CIC: variants seen among roughly 807,000 people sequenced by gnomAD.
The protein encoded by CIC is capicua transcriptional repressor.
Under a neutral mutation model 115.7 loss-of-function variants are expected in CIC, and 18 were observed. The ratio of observed to expected loss-of-function variants is 0.16; its 90% CI spans 0.11 to 0.23. The LOEUF is 0.23. Among genes scored for constraint, CIC ranks in the 10% least tolerant of loss-of-function variants. The probability of loss-of-function intolerance (pLI) is 1.00; values close to 1 mark genes in which losing one functional copy is unlikely to be tolerated. For missense variants in CIC, 2,000 were observed against 2,159.3 expected, an observed-to-expected ratio of 0.93 and a Z score of 1.46; for synonymous variants, 1,076 against 923.0, an observed-to-expected ratio of 1.17 and a Z score of -3.01.
intron 7 of CIC, among the ~76,000 whole-genome samples, 177 bp downstream of exon 7, chr19:42,288,152 C>G (rs1159496286): frequency 6.6e-6 from 1 of 152,214 alleles, no homozygotes; most frequent in African/African-American, 2.4e-5. Flanking sequence ...CCAGGGAGAT[C>G]CACACAGATA....
Position 42,290,836 on chromosome 19 carries a change from C to T in CIC, c.4795C>T (p.Pro1599Ser). 6.2e-7 allele frequency: 1 copy of T among 1,609,908 alleles called. No homozygotes were observed. The highest frequency in any genetic ancestry group is 8.5e-7 in the Non-Finnish European group (1 of 1,178,428). ...SSTPVPIASKPFPTSGRAEAS... is the reference protein window; with the variant it reads ...SSTPVPIASKSFPTSGRAEAS... ...CACTCCTGTGCCCATCGCCTCTAAG[C>T]CCTTCCCCACCTCTGGCCGGGCTGA... The change falls in exon 11 of 21, where the codon CCC (proline) becomes TCC (serine). Residue 1599 changes from proline (P) to serine (S), a missense_variant. Pro to Ser is a moderately conservative substitution (Grantham distance 74). Transcript: ENST00000681038.
In CIC at chr19:42,293,100, G is replaced by C. The variant is rs762633949; in HGVS notation, c.6341G>C (p.Arg2114Pro). The C allele has an allele frequency of 6.2e-7, 1 of 1,609,466 alleles. No individual in the cohort carries two copies. Among genetic ancestry groups the C allele is most frequent in the Non-Finnish European group, 8.5e-7 (1 of 1,178,636 alleles). The change falls in exon 16 of 21, where the codon CGG becomes CCG. Residue 2114 changes from arginine (R) to proline (P), a missense_variant. By Grantham distance (103) the Arg-to-Pro change is moderately radical. Around this residue, in one of 8 missense-constraint regions of CIC, gnomAD observed 1,466 missense variants for 1,390.4 expected, o/e 1.05. Transcript: ENST00000681038. ...TCTGGGCGGCCTGGCCCTGCACCCC[G>C]GCAGCCTCTGGAGCCTGGCCCAGTC... ...GASGRPGPAP[R>P]QPLEPGPVRE...
In CIC at chr19:42,272,590, T is replaced by A. The variant is rs2147012132; in HGVS notation, c.807T>A (p.Ala269=). 1 of 398,488 alleles carries A rather than the reference T, an allele frequency of 2.5e-6. No individual in the cohort carries two copies. The highest frequency in any genetic ancestry group is 4.4e-6 in the Non-Finnish European group (1 of 225,968). 24.7% of individuals were successfully genotyped at this position (398,488 alleles called of 1,614,324 possible). ...PPPGALVVGT[A]VCTCVEPGVA... ...CAGGTGCCCTGGTGGTGGGCACAGC[T>A]GTCTGTACCTGTGTGGAGCCCGGCG... The change falls in exon 2 of 21, where the codon GCT becomes GCA. Residue 269 remains alanine, a synonymous_variant. Transcript: ENST00000681038.
intron 2 of CIC, chr19:42,284,300 GCCGCCC>G (rs2037434403): frequency 6.9e-6 from 1 of 145,858 alleles, no homozygotes; most frequent in South Asian, 2.1e-4. Context: ...AAGGGAGGGG[GCCGCCC>G]CCGCGCACGC....
chr19:42,288,242 T>C (rs1274968121), intron 7 of CIC, among the ~76,000 whole-genome samples: 2 of 152,222 alleles, frequency 1.3e-5, no homozygotes, highest in Non-Finnish European at 2.9e-5. Flanking sequence ...ACAGGGAATA[T>C]AAGCTGTAGT....
chr19:42,282,631 G>A (rs1253770446), intron 2 of CIC, among the ~76,000 whole-genome samples: 5 of 152,190 alleles, frequency 3.3e-5, no homozygotes, highest in African/African-American at 1.2e-4. Context: ...TCCACCCTGA[G>A]GTTAAGCCTT....
rs1394455193 is a variant in CIC at position 42,294,596 on chromosome 19, C to G, written c.7055-8C>G. The G allele has an allele frequency of 1.9e-6, 3 of 1,613,210 alleles. No homozygotes were observed. The highest frequency in any genetic ancestry group is 2.5e-6 in the Non-Finnish European group (3 of 1,179,944). ...GCAGCCTTGCCATGCTGCCTGTGCC[C>G]TGCACAGGTACAGAAGCCGAGGACG... On this transcript the variant is annotated splice_region_variant and splice_polypyrimidine_tract_variant and intron_variant, in intron 19 of 20. Transcript: ENST00000681038.
Position 42,273,808 on chromosome 19 carries a change from A to G in CIC, c.2025A>G (p.Pro675=). ...ASTPKAGVLT[P]PDLGPHPPPP... ...CCCCTAAGGCAGGCGTGCTGACGCCACCAGACCTGGGCCCCCACCCACCGC... is the reference window on the plus strand; with the variant it reads ...CCCCTAAGGCAGGCGTGCTGACGCCGCCAGACCTGGGCCCCCACCCACCGC... The change falls in exon 2 of 21, where the codon CCA becomes CCG. Residue 675 remains proline (P), a synonymous_variant. Transcript: ENST00000681038. 2 of 398,584 alleles carry G rather than the reference A, an allele frequency of 5.0e-6. No homozygotes were observed. The allele number at this position is 398,584 out of a possible 1,614,324, so 24.7% of individuals were successfully genotyped here.
chr19:42,284,015 G>GGGCGGGGGGAGGCGC (rs940594381), intron 2 of CIC: 6 of 149,270 alleles, frequency 4.0e-5, no homozygotes, highest in South Asian at 2.1e-4. Flanking sequence ...AGCGGGGAAG[G>GGGCGGGGGGAGGCGC]GGCGGGGGGA....
chr19:42,280,764 G>C lies in CIC; in HGVS notation c.2795-6007G>C, dbSNP rs993462262. 2.0e-5 allele frequency among the ~76,000 whole-genome samples: 3 copies of C among 152,070 alleles called. No homozygotes were observed. The highest frequency in any genetic ancestry group is 2.0e-4 in the Admixed American group (3 of 15,286). On this transcript the variant is annotated intron_variant, in intron 2 of 20. Coordinates refer to ENST00000681038, the MANE Select transcript of CIC (RefSeq NM_001386298.1). This position sits in a 1 kb window ranked among gnomAD's most constrained non-coding sequence, Gnocchi z 4.9. ...CGAGTGGAAAATCTCGTGAGCGCGG[G>C]GAGGGGAGGGGAACGCAGGGCGGCG...
upstream of CIC, chr19:42,269,181 C>G (rs1568482265): frequency 1.3e-5 from 2 of 152,108 alleles, no homozygotes; most frequent in East Asian, 1.9e-4. Flanking sequence ...ATCTATTGGT[C>G]TAGGCTGGCG....
In CIC at chr19:42,287,428, G is replaced by A. The variant is rs773785693; in HGVS notation, c.3288G>A (p.Lys1096=). The A allele has an allele frequency of 6.2e-7, 1 of 1,613,826 alleles. No homozygotes were observed. Among genetic ancestry groups the A allele is most frequent in the Non-Finnish European group, 8.5e-7 (1 of 1,180,028 alleles). ...LPKERDSSSE[K]DGRSPNKREK... ...AGGAACGGGACTCATCTTCTGAGAAGGATGGACGCAGCCCCAACAAGGTAC... is the reference window on the plus strand; with the variant it reads ...AGGAACGGGACTCATCTTCTGAGAAAGATGGACGCAGCCCCAACAAGGTAC... Residue 1096 remains lysine (K), a synonymous_variant, in exon 5 of 21, where the codon AAG becomes AAA. Transcript: ENST00000681038. The surrounding 1 kb of genome is among the most constrained non-coding windows in gnomAD (Gnocchi z 8.7).
Position 42,271,875 on chromosome 19 carries a change from G to T in CIC, c.92G>T (p.Arg31Leu), listed in dbSNP as rs1047691694. 21 of 398,754 alleles carry T rather than the reference G, an allele frequency of 5.3e-5. No individual in the cohort carries two copies. Among genetic ancestry groups the T allele is most frequent in the Admixed American group, 3.1e-4 (7 of 22,724 alleles). 24.7% of individuals were successfully genotyped at this position (398,754 alleles called of 1,614,324 possible). ...PPATRAKALR[R>L]RGAGEGDKPE... ...GCCACCAGGGCCAAGGCTCTGAGGC[G>T]GCGAGGGGCTGGGGAGGGTGACAAG... The change falls in exon 2 of 21, where the codon CGG becomes CTG. Residue 31 changes from arginine (R) to leucine (L), a missense_variant. This residue lies in a region of CIC where 222 missense variants were observed against 247.7 expected (regional missense o/e 0.90). Transcript: ENST00000681038.
rs769064655 is a variant in CIC at position 42,290,732 on chromosome 19, T to C, written c.4691T>C (p.Leu1564Pro). The change falls in exon 11 of 21, where the codon CTG becomes CCG. Residue 1564 changes from leucine (L) to proline (P), a missense_variant. Around this residue, in one of 8 missense-constraint regions of CIC, gnomAD observed 1,466 missense variants for 1,390.4 expected, o/e 1.05. Coordinates refer to ENST00000681038, the MANE Select transcript of CIC (RefSeq NM_001386298.1). ...GTGCCCTCCGCCCCCGCCCCATCAC[T>C]GGCCTATGGGGCCCCAGCAGCTCCC... ...ARVPSAPAPS[L>P]AYGAPAAPLS... 2 of 1,612,600 alleles carry C rather than the reference T, an allele frequency of 1.2e-6. No individual in the cohort carries two copies. Among genetic ancestry groups the C allele is most frequent in the East Asian group, 4.5e-5 (2 of 44,860 alleles).
intron 1 of CIC, 75 bp from the exon 2 acceptor site, chr19:42,271,699 G>A: frequency 2.5e-6 from 1 of 398,102 alleles, no homozygotes. Context: ...CAGCAAGTGG[G>A]AAATCTTAGG....
intron 2 of CIC, 22 bp from the exon 3 acceptor site, chr19:42,286,749 C>T (rs1178196709): frequency 1.2e-6 from 2 of 1,613,794 alleles, no homozygotes. Context: ...TGCTGCACAG[C>T]TCACCTGGCT....
At chr19:42,291,889 ACT>A in intron 12 of CIC, 144 bp downstream of exon 12, 5 of 1,292,390 alleles carry the variant, frequency 3.9e-6, no homozygotes, top group East Asian at 2.3e-5. Context: ...GTGCATCCTG[ACT>A]CTCTCAAGTC....
rs1305768594 is a variant in CIC, at chr19:42,287,077, C to T, written c.3016C>T (p.Pro1006Ser). The T allele has an allele frequency of 6.2e-7, 1 of 1,612,754 alleles. No individual in the cohort carries two copies. Among genetic ancestry groups the T allele is most frequent in the Non-Finnish European group, 8.5e-7 (1 of 1,179,964 alleles). ...GGTGSADPERPPGATCPESPG... is the reference protein window; with the variant it reads ...GGTGSADPERSPGATCPESPG... ...GACAGGGAGTGCTGACCCTGAGCGG[C>T]CCCCTGGAGCCACATGCCCTGAGAG... The change falls in exon 4 of 21, where the codon CCC becomes TCC. Residue 1006 changes from proline to serine, a missense_variant. Physicochemically the swap from Pro to Ser is moderately conservative, Grantham distance 74. Transcript: ENST00000681038. The surrounding 1 kb of genome is among the most constrained non-coding windows in gnomAD (Gnocchi z 8.7).
In CIC at chr19:42,295,143, G is replaced by GGCCCCCCCC; in HGVS notation, c.7506_7507insGCCCCCCCC (p.Gln2502_Pro2503insAlaProPro). On this transcript the variant is annotated inframe_insertion, in exon 21 of 21. Coordinates refer to ENST00000681038, the MANE Select transcript of CIC (RefSeq NM_001386298.1). ...AGCCTGGCTGGGAGGGGGCTCCCCAGCCCTCCCCCCCACCCCCAGGTCCCT... is the reference window on the plus strand; with the variant it reads ...AGCCTGGCTGGGAGGGGGCTCCCCAGGCCCCCCCCCCCTCCCCCCCACCCCCAGGTCCCT... The GGCCCCCCCC allele has an allele frequency of 1.4e-6, 2 of 1,382,730 alleles. No homozygotes were observed. The highest frequency in any genetic ancestry group is 1.5e-5 in the African/African-American group (1 of 68,110). 85.7% of individuals were successfully genotyped at this position (1,382,730 alleles called of 1,614,324 possible).
Sources: gnomAD v4.1 joint callset for allele counts (sites outside exome capture counted in the v4.1 genomes callset) on GRCh38, gnomAD v4.1.1 for gene constraint, gnomAD v4.1.1 regional missense constraint, Gnocchi (gnomAD v3.1) non-coding constraint, MANE v1.5 for transcripts, NCBI Gene and HGNC (gene_info 2026-07-23, HGNC 2026-07-21) for gene names.